The following SHISA9 variants were observed in gnomAD, a reference collection of about 807,000 sequenced individuals.
SHISA9 encodes the protein protein shisa-9.
SHISA9 carries 13 observed loss-of-function variants against 38.0 expected under a neutral mutation model. The ratio of observed to expected loss-of-function variants is 0.34; its 90% confidence interval spans 0.22 to 0.54. SHISA9 has a LOEUF of 0.54. SHISA9 is among the 20% of genes least tolerant of loss of function. The pLI, the probability that SHISA9 is intolerant of heterozygous loss-of-function variation, is 0.91. For missense variants in SHISA9, 538 were observed against 575.8 expected (o/e 0.93, Z 0.67); for synonymous variants, 275 against 242.0 (o/e 1.14, Z -1.27).
intron 2 of SHISA9, among the ~76,000 whole-genome samples, chr16:13,108,122 C>CG (rs1475282545): frequency 2.0e-5 from 3 of 149,696 alleles, no homozygotes; most frequent in Non-Finnish European, 4.5e-5. Context: ...CAAAGAGAGC[C>CG]CCCCTCCGGC....
At chr16:13,021,891 G>A (rs768879745) in intron 2 of SHISA9, among the ~76,000 whole-genome samples, 6 of 152,206 alleles carry the variant, frequency 3.9e-5, no homozygotes, top group African/African-American at 4.8e-5. Context: ...TAGGGCTGCC[G>A]TAACAAATGA....
At chr16:13,282,932 A>G in the SHISA9 span, among the ~76,000 whole-genome samples, 1 of 152,048 alleles carries the variant, frequency 6.6e-6, no homozygotes, top group Non-Finnish European at 1.5e-5. Context: ...TCATTTGCGA[A>G]TATGTATAAT....
the SHISA9 span, among the ~76,000 whole-genome samples, chr16:13,468,590 C>T: frequency 1.3e-5 from 2 of 152,116 alleles, no homozygotes; most frequent in Non-Finnish European, 2.9e-5. Flanking sequence ...AAATATCTTG[C>T]TCTACTCAGA....
At chr16:13,477,771 C>T in the SHISA9 span, among the ~76,000 whole-genome samples, 1 of 152,136 alleles carries the variant, frequency 6.6e-6, no homozygotes, top group Non-Finnish European at 1.5e-5. Flanking sequence ...TCAAGACCAG[C>T]CTGACCAACA....
chr16:13,110,349 G>C (rs781519806), intron 2 of SHISA9, among the ~76,000 whole-genome samples: 6 of 152,188 alleles, frequency 3.9e-5, no homozygotes, highest in Non-Finnish European at 5.9e-5. Flanking sequence ...TTCTCCAGAT[G>C]GGACAGATGC....
chr16:13,428,623 A>G, the SHISA9 span, among the ~76,000 whole-genome samples: 1 of 152,204 alleles, frequency 6.6e-6, no homozygotes, highest in Non-Finnish European at 1.5e-5. Flanking sequence ...TAGAAGACCT[A>G]AACATTGGAT....
intron 4 of SHISA9, among the ~76,000 whole-genome samples, chr16:13,232,745 T>C (rs2142086644): frequency 6.6e-6 from 1 of 152,332 alleles, no homozygotes; most frequent in Non-Finnish European, 1.5e-5. Context: ...ATTTCCTGGT[T>C]GACAATTGGT....
chr16:13,125,884 G>A (rs1431412155), intron 2 of SHISA9, among the ~76,000 whole-genome samples: 1 of 152,196 alleles, frequency 6.6e-6, no homozygotes, highest in Admixed American at 6.5e-5. Context: ...TCAGCTCTGA[G>A]GCTGATGTTG....
chr16:13,276,824 T>C, the SHISA9 span, among the ~76,000 whole-genome samples: 2 of 152,046 alleles, frequency 1.3e-5, no homozygotes, highest in African/African-American at 2.4e-5. Flanking sequence ...TTAGTTCTTT[T>C]CAGATGTATA....
At chr16:13,026,347 T>A (rs2072922040) in intron 2 of SHISA9, among the ~76,000 whole-genome samples, 1 of 152,268 alleles carries the variant, frequency 6.6e-6, no homozygotes, top group African/African-American at 2.4e-5. Flanking sequence ...GTGACTGATT[T>A]ATGCATTTAG....
chr16:13,480,405 A>G, the SHISA9 span, among the ~76,000 whole-genome samples: 9 of 152,126 alleles, frequency 5.9e-5, no homozygotes, highest in African/African-American at 2.2e-4. Context: ...TCTCTTGAAT[A>G]CAGGAAATAT....
At chr16:13,437,858 T>C in the SHISA9 span, among the ~76,000 whole-genome samples, 2 of 116,874 alleles carry the variant, frequency 1.7e-5, no homozygotes, top group Non-Finnish European at 3.4e-5. Context: ...CTAGCACTTT[T>C]TTTTTCTTTT....
At chr16:13,087,148 T>A (rs1198261864) in intron 2 of SHISA9, among the ~76,000 whole-genome samples, 817 of 56,020 alleles carry the variant, frequency 0.015, 2 homozygotes, top group Admixed American at 0.024. Flanking sequence ...TGAACTCGTC[T>A]TTTTTTTTTT....
chr16:13,261,936 G>A, the SHISA9 span, among the ~76,000 whole-genome samples: 2 of 152,194 alleles, frequency 1.3e-5, no homozygotes, highest in Non-Finnish European at 2.9e-5. Context: ...ATATCAGTAG[G>A]CAAGATTCTG....
chr16:13,555,781 A>ATGGAGGGAAG, the SHISA9 span, among the ~76,000 whole-genome samples: 6 of 152,060 alleles, frequency 3.9e-5, no homozygotes, highest in Non-Finnish European at 7.4e-5. Context: ...CGTTACTTAG[A>ATGGAGGGAAG]TGGAGGGAAG....
the SHISA9 span, among the ~76,000 whole-genome samples, chr16:13,467,084 G>A: frequency 6.6e-6 from 1 of 152,206 alleles, no homozygotes; most frequent in African/African-American, 2.4e-5. Flanking sequence ...GGCTTATGCT[G>A]ATTAATGTTT....
chr16:13,077,255 T>C (rs577147791), intron 2 of SHISA9, among the ~76,000 whole-genome samples: 9 of 150,920 alleles, frequency 6.0e-5, no homozygotes, highest in East Asian at 3.9e-4. Flanking sequence ...TTTTTTTTTT[T>C]AACCTTCTGA....
the SHISA9 span, among the ~76,000 whole-genome samples, chr16:13,552,883 A>T: frequency 3.3e-5 from 5 of 152,048 alleles, no homozygotes; most frequent in East Asian, 9.6e-4. Flanking sequence ...GGAGCAAAAG[A>T]TGACCATGTT....
the SHISA9 span, among the ~76,000 whole-genome samples, chr16:13,278,714 T>C: frequency 6.6e-6 from 1 of 152,092 alleles, no homozygotes; most frequent in Non-Finnish European, 1.5e-5. Flanking sequence ...AAGGTGTTCA[T>C]AGTAGCTGCA....
Sources: gnomAD v4.1 joint callset for allele counts (sites outside exome capture counted in the v4.1 genomes callset) on GRCh38, gnomAD v4.1.1 for gene constraint, MANE v1.5 for transcripts, NCBI Gene and HGNC (gene_info 2026-07-23, HGNC 2026-07-21) for gene names.